The following SMS variants were observed in gnomAD, a reference collection of about 807,000 sequenced individuals.
SMS encodes the protein spermidine aminopropyltransferase.
SMS carries 3 observed loss-of-function variants against 33.0 expected under a neutral mutation model. That is an observed-to-expected ratio of 0.09 (90% CI 0.04 to 0.23). The LOEUF is 0.23. SMS is among the 10% of genes least tolerant of loss of function. The probability of loss-of-function intolerance (pLI) is 1.00; values close to 1 mark genes in which losing one functional copy is unlikely to be tolerated. For missense variants in SMS, 117 were observed against 288.6 expected (o/e 0.41, Z 4.31); for synonymous variants, 103 against 112.2 (o/e 0.92, Z 0.52).
At chrX:21,953,999 A>T (rs1425776633) in intron 1 of SMS, among the ~76,000 whole-genome samples, 1 of 109,817 alleles carries the variant, frequency 9.1e-6, no homozygotes, top group East Asian at 2.8e-4. Flanking sequence ...TTAAAGTGGA[A>T]TTCGGTACTC....
rs374309366 is a variant in SMS at position 21,992,725 on chromosome X, C to T, written c.1061+13C>T. The T allele has an allele frequency of 1.9e-5, 19 of 1,015,588 alleles. No individual in the cohort carries two copies. The highest frequency in any genetic ancestry group is 6.1e-5 in the East Asian group (2 of 32,905). 83.7% of individuals were successfully genotyped at this position (1,015,588 alleles called of 1,213,427 possible). ...CATACTTGGAATTGTATCCTTTGAC[C>T]GTGACATTCTGTTGCCAGATCAAAG... On this transcript the variant is annotated intron_variant, in intron 10 of 10. Transcript: ENST00000404933.
chrX:21,973,307 C>T (rs143607920), intron 4 of SMS, among the ~76,000 whole-genome samples: 3,403 of 112,104 alleles, frequency 0.03, 125 homozygotes, highest in African/African-American at 0.11. Flanking sequence ...CGTGGTGGTA[C>T]GTGCTTGTAA....
At chrX:21,978,356 C>T (rs1310942351) in intron 6 of SMS, among the ~76,000 whole-genome samples, 6 of 111,444 alleles carry the variant, frequency 5.4e-5, no homozygotes, top group African/African-American at 2.0e-4. Context: ...GGGTGGATCA[C>T]CTGAGGTCAG....
intron 1 of SMS, among the ~76,000 whole-genome samples, chrX:21,954,036 A>G (rs4824213): frequency 0.54 from 59,171 of 109,675 alleles, 12,986 homozygotes; most frequent in Non-Finnish European, 0.7. Flanking sequence ...TCTAGTATGC[A>G]GTTTCTGTTG....
At chrX:21,943,650 G>A (rs1921984274) in intron 1 of SMS, among the ~76,000 whole-genome samples, 1 of 110,936 alleles carries the variant, frequency 9.0e-6, no homozygotes, top group African/African-American at 3.3e-5. Context: ...GGTGGGGAAT[G>A]TGTGTATGTA....
intron 1 of SMS, among the ~76,000 whole-genome samples, chrX:21,965,913 G>A (rs185767306): frequency 9.9e-5 from 11 of 111,383 alleles, no homozygotes; most frequent in Admixed American, 7.6e-4. Flanking sequence ...CCGAGATTGC[G>A]CCAATGCACT....
chrX:21,985,727 A>C (rs903411584), intron 9 of SMS, among the ~76,000 whole-genome samples: 1 of 112,093 alleles, frequency 8.9e-6, no homozygotes, highest in Non-Finnish European at 1.9e-5. Flanking sequence ...TGATGCATAA[A>C]CATAAGATAA....
At chrX:21,991,042 C>T (rs902614671) in intron 9 of SMS, among the ~76,000 whole-genome samples, 1 of 112,550 alleles carries the variant, frequency 8.9e-6, no homozygotes, top group African/African-American at 3.2e-5. Context: ...CAGAATAGTT[C>T]TAACCTCTTG....
intron 9 of SMS, among the ~76,000 whole-genome samples, chrX:21,989,421 G>T (rs1312628118): frequency 1.8e-5 from 2 of 111,975 alleles, no homozygotes; most frequent in East Asian, 5.6e-4. Context: ...GACTTTGCAG[G>T]ATTACGGGTA....
intron 7 of SMS, among the ~76,000 whole-genome samples, chrX:21,983,920 G>C (rs1177623197): frequency 9.0e-6 from 1 of 111,514 alleles, no homozygotes; most frequent in African/African-American, 3.3e-5. Flanking sequence ...AGATGATACA[G>C]ATAGTGATAG....
chrX:21,983,811 C>T (rs768114), intron 7 of SMS, among the ~76,000 whole-genome samples: 47,445 of 109,885 alleles, frequency 0.43, 8,986 homozygotes, highest in Admixed American at 0.59. Flanking sequence ...TTGCTTGAGC[C>T]CAGGAGTTCA....
chrX:21,987,250 G>A (rs1925412198), intron 9 of SMS, among the ~76,000 whole-genome samples: 1 of 112,057 alleles, frequency 8.9e-6, no homozygotes, highest in Admixed American at 9.4e-5. Flanking sequence ...GCCCCCCTCG[G>A]CCTCCCAAAG....
chrX:21,987,881 A>G (rs1013743449), intron 9 of SMS, among the ~76,000 whole-genome samples: 10 of 112,049 alleles, frequency 8.9e-5, no homozygotes, highest in African/African-American at 2.9e-4. Context: ...GCTGCCTCCT[A>G]TGGAGAGCTG....
At chrX:21,981,248 A>G (rs1371031352) in intron 7 of SMS, among the ~76,000 whole-genome samples, 2 of 109,112 alleles carry the variant, frequency 1.8e-5, no homozygotes, top group African/African-American at 6.7e-5. Flanking sequence ...TGAACCCGGG[A>G]GGTGGAGGTT....
At chrX:21,949,008 A>C (rs778360540) in intron 1 of SMS, among the ~76,000 whole-genome samples, 1 of 112,279 alleles carries the variant, frequency 8.9e-6, no homozygotes, top group African/African-American at 3.2e-5. Context: ...CCCAGGAAAA[A>C]CAACCCTGCG....
At chrX:21,961,034 CTTTTTTTTTTTT>C (rs773159264) in intron 1 of SMS, among the ~76,000 whole-genome samples, 11 of 41,724 alleles carry the variant, frequency 2.6e-4, no homozygotes, top group Non-Finnish European at 4.5e-4. Context: ...ATATGCATGT[CTTTTTTTTTTTT>C]TTTTTTTTTT....
At chrX:21,955,176 G>A (rs755609624) in intron 1 of SMS, among the ~76,000 whole-genome samples, 1 of 112,174 alleles carries the variant, frequency 8.9e-6, no homozygotes, top group East Asian at 2.8e-4. Flanking sequence ...GACCTGTAAG[G>A]GATTCTGCCC....
At chrX:21,990,163 G>A (rs1209987795) in intron 9 of SMS, among the ~76,000 whole-genome samples, 3 of 112,259 alleles carry the variant, frequency 2.7e-5, no homozygotes, top group African/African-American at 3.2e-5. Context: ...GGCCAGGCAC[G>A]GTGGCTTATG....
chrX:21,984,531 T>G, intron 8 of SMS, 113 bp downstream of exon 8: 7 of 550,794 alleles, frequency 1.3e-5, no homozygotes, highest in Non-Finnish European at 2.2e-5. Context: ...AAAAGGGAGT[T>G]AAATTGAGGT....
Sources: allele counts gnomAD v4.1 joint callset (sites outside exome capture counted in the v4.1 genomes callset), GRCh38; gene constraint gnomAD v4.1.1; transcripts MANE v1.5; gene names NCBI Gene and HGNC (gene_info 2026-07-23, HGNC 2026-07-21).